SIPA1L2: variants seen among roughly 807,000 people sequenced by gnomAD.
The protein encoded by SIPA1L2 is signal-induced proliferation-associated 1-like protein 2.
Under a neutral mutation model 163.9 loss-of-function variants are expected in SIPA1L2, and 56 were observed. That is an observed-to-expected ratio of 0.34 (90% confidence interval 0.28 to 0.43). The LOEUF is 0.43. SIPA1L2 is among the 20% of genes least tolerant of loss of function. SIPA1L2 has a pLI of 1.00. For missense variants in SIPA1L2, 1,974 were observed against 2,193.5 expected, an observed-to-expected ratio of 0.90 and a Z score of 2.00; for synonymous variants, 877 against 865.7, an observed-to-expected ratio of 1.01 and a Z score of -0.23.
intron 19 of SIPA1L2, among the ~76,000 whole-genome samples, chr1:232,413,044 T>C (rs575948775): frequency 1.3e-5 from 2 of 152,344 alleles, no homozygotes; most frequent in Non-Finnish European, 2.9e-5. Flanking sequence ...TTTTCCCTTC[T>C]GTGCCAACTA....
At position 232,460,889 on chromosome 1, in the gene SIPA1L2, T is replaced by G. The variant is rs1284892033; in HGVS notation, c.3093A>C (p.Arg1031=). The change falls in exon 10 of 23, where the codon CGA becomes CGC. Residue 1031 remains arginine, a splice_region_variant and synonymous_variant. Coordinates refer to ENST00000674635, the MANE Select transcript of SIPA1L2 (RefSeq NM_020808.5). ...IIQPHDDGSP[R]RGCSELCRIP... ...TACTTGGGCCTCCCACGCCTTACCTTCGGGGCGAGCCGTCATCATGGGGCT... is the reference window on the plus strand; with the variant it reads ...TACTTGGGCCTCCCACGCCTTACCTGCGGGGCGAGCCGTCATCATGGGGCT... 6.2e-7 allele frequency: 1 copy of G among 1,612,086 alleles called. No individual in the cohort carries two copies. Among genetic ancestry groups the G allele is most frequent in the African/African-American group, 1.3e-5 (1 of 74,990 alleles).
At position 232,449,346 on chromosome 1, in the gene SIPA1L2, G is replaced by A. The variant is rs6680016; in HGVS notation, c.3096-3560C>T. 7.1e-3 allele frequency among the ~76,000 whole-genome samples: 1,070 copies of A among 150,846 alleles called. 12 individuals carry two copies. Among genetic ancestry groups the A allele is most frequent in the African/African-American group, 0.025 (1,008 of 41,120 alleles). On this transcript the variant is annotated intron_variant, in intron 10 of 22. Transcript: ENST00000674635. ...ATCCTGGCTAACATGGTGAAACCCCGTCTCTACTAAAAATACAAAAAATTG... is the reference window on the plus strand; with the variant it reads ...ATCCTGGCTAACATGGTGAAACCCCATCTCTACTAAAAATACAAAAAATTG...
chr1:232,408,035 C>T lies in SIPA1L2; in HGVS notation c.4763-3857G>A, dbSNP rs576914526. 7.4e-4 allele frequency among the ~76,000 whole-genome samples: 113 copies of T among 152,214 alleles called. 1 individual carries two copies. The highest frequency in any genetic ancestry group is 3.4e-3 in the Middle Eastern group (1 of 294). ...TACCCCCAAACTTGACATGATTCTA[C>T]GTAACAAAGGGTATGATAAGCACTG... On this transcript the variant is annotated intron_variant, in intron 19 of 22. Transcript: ENST00000674635.
intron 2 of SIPA1L2, among the ~76,000 whole-genome samples, chr1:232,535,965 T>C (rs1019978183): frequency 6.6e-6 from 1 of 152,234 alleles, no homozygotes; most frequent in African/African-American, 2.4e-5. Context: ...CTTAGGGATA[T>C]GTTCTGTAGC....
At chr1:232,615,648 T>C (rs990174242) in intron 1 of SIPA1L2, among the ~76,000 whole-genome samples, 5 of 152,246 alleles carry the variant, frequency 3.3e-5, no homozygotes, top group African/African-American at 1.2e-4. Flanking sequence ...CTAGGTCTTT[T>C]ATTACATCCC....
chr1:232,490,908 A>C lies in SIPA1L2; in HGVS notation c.1772T>G (p.Val591Gly), dbSNP rs1665896031. 5 of 1,613,924 alleles carry C rather than the reference A, an allele frequency of 3.1e-6. No homozygotes were observed. In the East Asian group the frequency reaches 1.1e-4, roughly 36 times the overall value. ...ATCAAGCTTGAGCAGCTGCTCTGAG[A>C]CCTTGGGTGAGTTGGAAGCCTGTCG... ...CLRQASNSPK[V>G]SEQLLKLDEQ... Residue 591 changes from valine (V) to glycine (G), a missense_variant, in exon 5 of 23, where the codon GTC becomes GGC. Val to Gly is a moderately radical substitution (Grantham distance 109, BLOSUM62 -3). Transcript: ENST00000674635.
intron 2 of SIPA1L2, among the ~76,000 whole-genome samples, chr1:232,522,720 T>C (rs1295765291): frequency 6.6e-6 from 1 of 152,234 alleles, no homozygotes; most frequent in Non-Finnish European, 1.5e-5. Context: ...GGAATAATTT[T>C]ATCTATTTCA....
At chr1:232,569,393 A>G (rs1659586971) in intron 2 of SIPA1L2, among the ~76,000 whole-genome samples, 1 of 152,244 alleles carries the variant, frequency 6.6e-6, no homozygotes. Flanking sequence ...TCCTGGCAAG[A>G]GATGGCGCAC....
At chr1:232,508,090 C>A (rs2103030975) in intron 3 of SIPA1L2, among the ~76,000 whole-genome samples, 1 of 152,264 alleles carries the variant, frequency 6.6e-6, no homozygotes, top group South Asian at 2.1e-4. Context: ...ATTCGTCAAT[C>A]TGATTCCGCA....
intron 3 of SIPA1L2, among the ~76,000 whole-genome samples, chr1:232,512,870 T>C (rs1438482473): frequency 1.3e-5 from 2 of 152,182 alleles, no homozygotes; most frequent in African/African-American, 4.8e-5. Context: ...CAGAATAGTT[T>C]ATGCACTGAG....
chr1:232,607,330 C>A (rs1411294984), intron 1 of SIPA1L2, among the ~76,000 whole-genome samples: 2 of 151,930 alleles, frequency 1.3e-5, no homozygotes, highest in Admixed American at 6.6e-5. Context: ...CATTAAATAG[C>A]CTTATAAAAC....
chr1:232,480,139 CTGTG>C (rs150458742), intron 6 of SIPA1L2, among the ~76,000 whole-genome samples: 3 of 131,152 alleles, frequency 2.3e-5, no homozygotes, highest in Non-Finnish European at 4.9e-5. Context: ...CTGGCCGCAT[CTGTG>C]TGTGTGTGTG....
intron 3 of SIPA1L2, among the ~76,000 whole-genome samples, chr1:232,508,947 C>T (rs953178258): frequency 3.9e-5 from 6 of 152,180 alleles, no homozygotes; most frequent in Non-Finnish European, 8.8e-5. Context: ...CAAAAATTAG[C>T]CGGGCGTGGT....
At chr1:232,585,831 T>G (rs1181971064) in intron 1 of SIPA1L2, among the ~76,000 whole-genome samples, 1 of 152,182 alleles carries the variant, frequency 6.6e-6, no homozygotes, top group African/African-American at 2.4e-5. Flanking sequence ...ATGGCAGGTT[T>G]GGTAATAACA....
intron 1 of SIPA1L2, among the ~76,000 whole-genome samples, chr1:232,598,407 C>T (rs1213343575): frequency 6.6e-6 from 1 of 152,154 alleles, no homozygotes; most frequent in Non-Finnish European, 1.5e-5. Context: ...GAAACCCTCT[C>T]TCTAAAAGAA....
At chr1:232,541,937 C>CTCTCTT (rs1203307153) in intron 2 of SIPA1L2, among the ~76,000 whole-genome samples, 10 of 148,296 alleles carry the variant, frequency 6.7e-5, no homozygotes, top group Non-Finnish European at 1.5e-4. Context: ...AGCCTTAAAT[C>CTCTCTT]TCTCTCTCTC....
chr1:232,549,473 G>T (rs913619006), intron 2 of SIPA1L2, among the ~76,000 whole-genome samples: 1 of 152,232 alleles, frequency 6.6e-6, no homozygotes, highest in African/African-American at 2.4e-5. Context: ...AGTGTAAGCA[G>T]TTGGTAGAGA....
At chr1:232,488,945 A>C (rs1439060053) in intron 5 of SIPA1L2, among the ~76,000 whole-genome samples, 1 of 152,196 alleles carries the variant, frequency 6.6e-6, no homozygotes, top group Non-Finnish European at 1.5e-5. Flanking sequence ...AAATAGGCTG[A>C]TGAGGATAGA....
At chr1:232,577,628 A>C (rs1660149797) in intron 1 of SIPA1L2, among the ~76,000 whole-genome samples, 1 of 152,180 alleles carries the variant, frequency 6.6e-6, no homozygotes. Context: ...ATCAACAATT[A>C]ACAGGAGTTT....
Sources: allele counts gnomAD v4.1 joint callset (sites outside exome capture counted in the v4.1 genomes callset), GRCh38; gene constraint gnomAD v4.1.1; transcripts MANE v1.5; gene names NCBI Gene and HGNC (gene_info 2026-07-23, HGNC 2026-07-21).